WEE2: variants seen among roughly 807,000 people sequenced by gnomAD.
WEE2 encodes the protein WEE2 oocyte meiosis inhibiting kinase.
In WEE2, 50 loss-of-function variants were observed where a neutral mutation model predicts 60.1. The ratio of observed to expected loss-of-function variants is 0.83; its 90% CI spans 0.66 to 1.05. The LOEUF (loss-of-function observed/expected upper bound fraction) is 1.05, where lower values mean the gene tolerates loss of function less well. Ranked by LOEUF, WEE2 falls within the 50% of genes least tolerant of loss-of-function variation. The pLI is 0.00. For missense variants in WEE2, 631 were observed against 684.3 expected (o/e 0.92, Z 0.87); for synonymous variants, 240 against 241.0 (o/e 1.00, Z 0.04).
At chr7:141,714,070 C>T in intron 1 of WEE2, 139 bp from the exon 2 acceptor site, 1 of 637,176 alleles carries the variant, frequency 1.6e-6, no homozygotes, top group Non-Finnish European at 2.7e-6. Context: ...AGTTACAATG[C>T]AACCAGTTCA....
intron 6 of WEE2, among the ~76,000 whole-genome samples, 199 bp from the exon 7 acceptor site, chr7:141,723,742 G>A (rs2117119643): frequency 6.6e-6 from 1 of 152,174 alleles, no homozygotes; most frequent in Middle Eastern, 3.4e-3. Flanking sequence ...TATGAGATCA[G>A]TTGAACTTAA....
intron 1 of WEE2, among the ~76,000 whole-genome samples, chr7:141,710,252 A>G (rs1460026024): frequency 1.3e-5 from 2 of 151,458 alleles, no homozygotes; most frequent in Non-Finnish European, 2.9e-5. Flanking sequence ...GCACTATGTG[A>G]TAAGTGTGGT....
intron 10 of WEE2, 130 bp downstream of exon 10, chr7:141,727,576 C>A (rs367580483): frequency 8.3e-7 from 1 of 1,205,394 alleles, no homozygotes; most frequent in Non-Finnish European, 1.1e-6. Flanking sequence ...TAGGTCCCTG[C>A]CCACAAGGAA....
In WEE2 at chr7:141,729,535, C is replaced by T; in HGVS notation, c.1540C>T (p.Leu514=). ...KFKTATLERE[L]REAQQAQSPQ... Reference sequence around the variant, plus strand: ...TTTTTCTCCCTCGCACTTCAGGGAACTGAGAGAAGCCCAGCAGGCCCAGTC... The same window carrying T: ...TTTTTCTCCCTCGCACTTCAGGGAATTGAGAGAAGCCCAGCAGGCCCAGTC... The change falls in exon 11 of 12, where the codon CTG becomes TTG. Residue 514 remains leucine, a synonymous_variant. Coordinates refer to ENST00000397541, the MANE Select transcript of WEE2 (RefSeq NM_001105558.1). 1 of 1,614,202 alleles carries T rather than the reference C, an allele frequency of 6.2e-7. No individual in the cohort carries two copies. Among genetic ancestry groups the T allele is most frequent in the Admixed American group, 1.7e-5 (1 of 60,026 alleles).
At chr7:141,723,658 G>A (rs572207168) in intron 6 of WEE2, among the ~76,000 whole-genome samples, 8 of 152,204 alleles carry the variant, frequency 5.3e-5, no homozygotes, top group African/African-American at 1.9e-4. Flanking sequence ...GAAACCCAAG[G>A]ACAAGTTCTT....
chr7:141,714,287 G>C lies in WEE2; in HGVS notation c.421G>C (p.Ala141Pro), dbSNP rs1798758281. Reference sequence around the variant, plus strand: ...CCCTAAGCATTTGAAGCTCACACCTGCTCCCCTCAAGGATGAGATGACCTC... The same window carrying C: ...CCCTAAGCATTTGAAGCTCACACCTCCTCCCCTCAAGGATGAGATGACCTC... ...RGPKHLKLTPAPLKDEMTSLA... is the reference protein window; with the variant it reads ...RGPKHLKLTPPPLKDEMTSLA... The change falls in exon 2 of 12, where the codon GCT (alanine) becomes CCT (proline). Residue 141 changes from alanine to proline, a missense_variant. Coordinates refer to ENST00000397541, the MANE Select transcript of WEE2 (RefSeq NM_001105558.1). 6.2e-6 allele frequency: 10 copies of C among 1,613,842 alleles called. No individual in the cohort carries two copies. The highest frequency in any genetic ancestry group is 8.5e-6 in the Non-Finnish European group (10 of 1,179,842).
At position 141,709,978 on chromosome 7, in the gene WEE2, C is replaced by A. The variant is rs568201692; in HGVS notation, c.342+878C>A. Among the ~76,000 whole-genome samples, 162 of 152,226 alleles carry A rather than the reference C, an allele frequency of 1.1e-3. 2 individuals are homozygous for A. Among genetic ancestry groups the A allele is most frequent in the African/African-American group, 3.8e-3 (158 of 41,516 alleles). On this transcript the variant is annotated intron_variant, in intron 1 of 11. Transcript: ENST00000397541. The stretch of plus-strand genomic sequence containing the variant: ...ATAATAACATCTGTGATCCTGACTG[C>A]GACACAGTTGCTATCAGCAGGTCTC...
intron 4 of WEE2, 143 bp from the exon 5 acceptor site, chr7:141,720,792 C>A: frequency 3.2e-6 from 3 of 932,052 alleles, no homozygotes; most frequent in Non-Finnish European, 4.8e-6. Flanking sequence ...TATTAAGATT[C>A]AATGAGATAA....
chr7:141,725,469 CA>C (rs1263408427), intron 9 of WEE2, among the ~76,000 whole-genome samples: 1 of 151,744 alleles, frequency 6.6e-6, no homozygotes, highest in South Asian at 2.1e-4. Flanking sequence ...ACTAAAAATA[CA>C]AAAAATTAGC....
chr7:141,726,255 G>A (rs940473120), intron 9 of WEE2, among the ~76,000 whole-genome samples: 1 of 152,094 alleles, frequency 6.6e-6, no homozygotes, highest in Admixed American at 6.5e-5. Context: ...CTACTTCCTT[G>A]GAGATTAGAT....
chr7:141,717,906 CA>C (rs1798835390), intron 3 of WEE2, among the ~76,000 whole-genome samples: 1 of 151,922 alleles, frequency 6.6e-6, no homozygotes, highest in Admixed American at 6.6e-5. Flanking sequence ...AGTGAGTGCG[CA>C]GTTGGTAGAA....
intron 1 of WEE2, 67 bp from the exon 2 acceptor site, chr7:141,714,142 C>A: frequency 1.5e-6 from 2 of 1,321,426 alleles, no homozygotes; most frequent in Non-Finnish European, 2.1e-6. Context: ...CAAATATTAA[C>A]TAGCTAACTG....
intron 4 of WEE2, 41 bp downstream of exon 4, chr7:141,719,285 T>A (rs1346273873): frequency 6.6e-7 from 1 of 1,518,232 alleles, no homozygotes; most frequent in Non-Finnish European, 8.9e-7. Flanking sequence ...AAACTTAGAT[T>A]TGGAGAGTTG....
In WEE2 at chr7:141,719,161, A is replaced by C. The variant is rs772671520; in HGVS notation, c.675A>C (p.Thr225=). The C allele has an allele frequency of 2.5e-6, 4 of 1,613,986 alleles. No homozygotes were observed. In the South Asian group the frequency reaches 3.3e-5, roughly 13 times the overall value. The change falls in exon 4 of 12, where the codon ACA becomes ACC. Residue 225 remains threonine, a synonymous_variant. Coordinates refer to ENST00000397541, the MANE Select transcript of WEE2 (RefSeq NM_001105558.1). The stretch of plus-strand genomic sequence containing the variant: ...AAATTGGGGTTGGCGAATTTGGTAC[A>C]GTCTACAAGTGCATTAAGAGGCTGG... ...VEKIGVGEFG[T]VYKCIKRLDG... is the part of the protein sequence containing the mutation.
At chr7:141,718,375 T>A (rs1798845718) in intron 3 of WEE2, among the ~76,000 whole-genome samples, 2 of 152,186 alleles carry the variant, frequency 1.3e-5, no homozygotes. Flanking sequence ...TATTCTCATG[T>A]AATATTTAAA....
intron 1 of WEE2, among the ~76,000 whole-genome samples, chr7:141,710,088 G>A (rs777566518): frequency 4.6e-4 from 70 of 152,236 alleles, no homozygotes; most frequent in Middle Eastern, 6.8e-3. Flanking sequence ...AATATGCTCC[G>A]ATGTCTATCT....
chr7:141,720,913 T>G (rs1379077492), intron 4 of WEE2, 22 bp from the exon 5 acceptor site: 6 of 1,605,664 alleles, frequency 3.7e-6, no homozygotes, highest in Non-Finnish European at 4.3e-6. Flanking sequence ...TTTTTATTCC[T>G]CAATGCTTTT....
At chr7:141,727,260 A>G (rs1448479324) in intron 9 of WEE2, 44 bp from the exon 10 acceptor site, 1 of 1,578,104 alleles carries the variant, frequency 6.3e-7, no homozygotes, top group Admixed American at 1.9e-5. Context: ...ATTTTTCCCA[A>G]TAGTGAAGCT....
Position 141,727,240 on chromosome 7 carries a change from G to A in WEE2, c.1393-64G>A, listed in dbSNP as rs1239152408. On this transcript the variant is annotated intron_variant, in intron 9 of 11. Coordinates refer to ENST00000397541, the MANE Select transcript of WEE2 (RefSeq NM_001105558.1). ...GGAGAAGCTGGGTTGGAGTTGGCTT[G>A]AATGGGAAGATTTTTCCCAATAGTG... 3 of 1,553,082 alleles carry A rather than the reference G, an allele frequency of 1.9e-6. No individual in the cohort carries two copies. In the African/African-American group the frequency reaches 4.1e-5, roughly 21 times the overall value.
Sources: gnomAD v4.1 joint callset for allele counts (sites outside exome capture counted in the v4.1 genomes callset) on GRCh38, gnomAD v4.1.1 for gene constraint, MANE v1.5 for transcripts, NCBI Gene and HGNC (gene_info 2026-07-23, HGNC 2026-07-21) for gene names.